PTPRD: variants seen among roughly 807,000 people sequenced by gnomAD.
The protein encoded by PTPRD is protein tyrosine phosphatase receptor type D.
A neutral mutation model predicts 214.5 loss-of-function variants in PTPRD; 34 were observed. That is an observed-to-expected ratio of 0.16 (90% CI 0.12 to 0.21). The LOEUF (loss-of-function observed/expected upper bound fraction) is 0.21, where lower values mean the gene tolerates loss of function less well. Ranked by LOEUF, PTPRD falls within the 10% of genes least tolerant of loss-of-function variation. The pLI is 1.00. For missense variants in PTPRD, 2,545 were observed against 2,398.7 expected, an observed-to-expected ratio of 1.06 and a Z score of -1.27; for synonymous variants, 1,128 against 845.7, an observed-to-expected ratio of 1.33 and a Z score of -5.79.
At chr9:9,500,731 A>G (rs543535031) in intron 8 of PTPRD, among the ~76,000 whole-genome samples, 96 of 152,252 alleles carry the variant, frequency 6.3e-4, no homozygotes, top group African/African-American at 2.2e-3. Flanking sequence ...GCAGGTAGAT[A>G]TAGAAGACTT....
chr9:9,600,868 C>A (rs575928810), intron 7 of PTPRD, among the ~76,000 whole-genome samples: 13 of 152,018 alleles, frequency 8.6e-5, no homozygotes, highest in Non-Finnish European at 1.2e-4. Context: ...ACTAATAACA[C>A]AAACTATATT....
chr9:9,888,578 T>C (rs997243409), intron 5 of PTPRD, among the ~76,000 whole-genome samples: 3 of 152,076 alleles, frequency 2.0e-5, no homozygotes, highest in Admixed American at 6.6e-5. Context: ...TTGTTAAAAA[T>C]AGGCTGGCAA....
At position 10,197,852 on chromosome 9, in the gene PTPRD, A is replaced by G. The variant is rs116906850; in HGVS notation, c.-545+143111T>C. ...CAGAGAAGTAAGTAGAGCAAGAACA[A>G]GCACTCAGATCTGTAAGCAAAGACC... On this transcript the variant is annotated intron_variant, in intron 3 of 45. Transcript: ENST00000381196. Among the ~76,000 whole-genome samples, 51 of 152,208 alleles carry G rather than the reference A, an allele frequency of 3.4e-4. 1 individual carries two copies. In the East Asian group the frequency reaches 9.5e-3, roughly 28 times the overall value.
intron 2 of PTPRD, among the ~76,000 whole-genome samples, chr9:10,517,750 G>C (rs1289620291): frequency 1.3e-5 from 2 of 151,968 alleles, no homozygotes; most frequent in Non-Finnish European, 2.9e-5. Context: ...AAGGGTCTTT[G>C]CTTCCAAGTT....
intron 8 of PTPRD, among the ~76,000 whole-genome samples, chr9:9,500,298 A>C (rs2096365572): frequency 6.6e-6 from 1 of 152,146 alleles, no homozygotes; most frequent in African/African-American, 2.4e-5. Context: ...AGCACACAAC[A>C]TATGAAGCGA....
At chr9:10,514,038 A>G (rs1467082606) in intron 2 of PTPRD, among the ~76,000 whole-genome samples, 1 of 152,198 alleles carries the variant, frequency 6.6e-6, no homozygotes, top group Non-Finnish European at 1.5e-5. Flanking sequence ...GATCAGTATT[A>G]CACTACATTA....
intron 4 of PTPRD, among the ~76,000 whole-genome samples, chr9:9,990,785 A>T (rs1034247239): frequency 2.0e-5 from 3 of 152,162 alleles, no homozygotes; most frequent in African/African-American, 7.2e-5. Flanking sequence ...ATTTATTATC[A>T]TGTTACCCTA....
intron 8 of PTPRD, among the ~76,000 whole-genome samples, chr9:9,548,417 T>C (rs1298017976): frequency 6.7e-6 from 1 of 149,668 alleles, no homozygotes; most frequent in African/African-American, 2.4e-5. Context: ...TTTTTTTTTT[T>C]TTTTTTTTAA....
At chr9:10,160,680 C>A (rs1192090905) in intron 3 of PTPRD, among the ~76,000 whole-genome samples, 4 of 151,840 alleles carry the variant, frequency 2.6e-5, no homozygotes, top group African/African-American at 9.7e-5. Flanking sequence ...CAAGGATACT[C>A]ATTTTCACCA....
chr9:9,400,159 C>T (rs1396579952), intron 8 of PTPRD, among the ~76,000 whole-genome samples: 2 of 145,346 alleles, frequency 1.4e-5, no homozygotes, highest in Admixed American at 1.4e-4. Context: ...GTTGTAAGTA[C>T]CCATTGATTT....
rs533702395 is a variant in PTPRD, at chr9:9,797,616, C to T, written c.-367-30765G>A. ...ATCCCAGCACTTTGGGAGGCTGAGG[C>T]GTGTGGATCGCCTGAGGTCAGGAGT... On this transcript the variant is annotated intron_variant, in intron 5 of 45. Coordinates refer to ENST00000381196, the MANE Select transcript of PTPRD (RefSeq NM_002839.4). 2.0e-4 allele frequency among the ~76,000 whole-genome samples: 30 copies of T among 152,090 alleles called. No individual in the cohort carries two copies. The South Asian group carries it at 2.7e-3, about 14-fold the overall frequency.
intron 3 of PTPRD, among the ~76,000 whole-genome samples, chr9:10,274,861 A>G (rs1263996795): frequency 3.3e-5 from 5 of 152,132 alleles, no homozygotes; most frequent in Non-Finnish European, 7.4e-5. Flanking sequence ...AGACAGCAGC[A>G]ATGGAAATGT....
intron 10 of PTPRD, among the ~76,000 whole-genome samples, chr9:9,060,367 T>A (rs2099704808): frequency 6.6e-6 from 1 of 152,106 alleles, no homozygotes; most frequent in Non-Finnish European, 1.5e-5. Context: ...TCTAGAAGAA[T>A]TTTACAACAT....
chr9:9,656,866 A>AAG (rs2096528092), intron 7 of PTPRD, among the ~76,000 whole-genome samples: 1 of 151,594 alleles, frequency 6.6e-6, no homozygotes. Flanking sequence ...TGAATAGGAA[A>AAG]AGATATATAT....
At chr9:8,504,177 G>T in intron 23 of PTPRD, 84 bp downstream of exon 23, 4 of 1,369,576 alleles carry the variant, frequency 2.9e-6, no homozygotes, top group Non-Finnish European at 4.1e-6. Flanking sequence ...ATATTAGCAG[G>T]TTTGCTTATT....
chr9:9,837,158 T>C (rs2057002190), intron 5 of PTPRD, among the ~76,000 whole-genome samples: 1 of 152,118 alleles, frequency 6.6e-6, no homozygotes, highest in Admixed American at 6.6e-5. Flanking sequence ...TAAGTATGTG[T>C]GTGGTGGTAA....
intron 9 of PTPRD, among the ~76,000 whole-genome samples, chr9:9,344,015 G>T (rs1324980627): frequency 6.6e-6 from 1 of 151,836 alleles, no homozygotes; most frequent in Non-Finnish European, 1.5e-5. Flanking sequence ...TGTATCTTAG[G>T]TGCTATATAT....
At chr9:10,541,829 A>G (rs921407700) in intron 2 of PTPRD, among the ~76,000 whole-genome samples, 2 of 152,074 alleles carry the variant, frequency 1.3e-5, no homozygotes, top group Non-Finnish European at 2.9e-5. Context: ...AAAATGGGTT[A>G]AATATATTTA....
At position 10,206,431 on chromosome 9, in the gene PTPRD, C is replaced by G. The variant is rs919824403; in HGVS notation, c.-545+134532G>C. Among the ~76,000 whole-genome samples, 6 of 152,172 alleles carry G rather than the reference C, an allele frequency of 3.9e-5. No individual in the cohort carries two copies. The East Asian group carries it at 1.2e-3, about 29-fold the overall frequency. Reference sequence around the variant, plus strand: ...ACATACATTTGATAAAACCCCACTACTGACATTATATATCAGGCTATTGAA... The same window carrying G: ...ACATACATTTGATAAAACCCCACTAGTGACATTATATATCAGGCTATTGAA... On this transcript the variant is annotated intron_variant, in intron 3 of 45. Coordinates refer to ENST00000381196, the MANE Select transcript of PTPRD (RefSeq NM_002839.4).
Sources: allele counts gnomAD v4.1 joint callset (sites outside exome capture counted in the v4.1 genomes callset), GRCh38; gene constraint gnomAD v4.1.1; transcripts MANE v1.5; gene names NCBI Gene and HGNC (gene_info 2026-07-23, HGNC 2026-07-21).